Variants in EPB41L5 observed in about 807,000 individuals in gnomAD.
EPB41L5 encodes the protein band 4.1-like protein 5.
EPB41L5 carries 55 observed loss-of-function variants against 106.6 expected under a neutral mutation model. The observed-to-expected ratio is 0.52, with a 90% CI of 0.42 to 0.65. EPB41L5 has a LOEUF of 0.65. Among genes scored for constraint, EPB41L5 ranks in the 30% least tolerant of loss-of-function variants. The pLI, the probability that EPB41L5 is intolerant of heterozygous loss-of-function variation, is 0.00. For missense variants in EPB41L5, 871 were observed against 882.1 expected, an observed-to-expected ratio of 0.99 and a Z score of 0.16; for synonymous variants, 297 against 306.7, an observed-to-expected ratio of 0.97 and a Z score of 0.33.
intron 16 of EPB41L5, among the ~76,000 whole-genome samples, chr2:120,112,395 C>A (rs776497200): frequency 7.2e-5 from 11 of 152,090 alleles, no homozygotes; most frequent in Non-Finnish European, 1.3e-4. Flanking sequence ...TTGATTGAAT[C>A]AATGAATACC....
chr2:120,130,467 A>G (rs1487547143), intron 17 of EPB41L5, among the ~76,000 whole-genome samples: 1 of 152,248 alleles, frequency 6.6e-6, no homozygotes, highest in Non-Finnish European at 1.5e-5. Flanking sequence ...CTTGTGCTGC[A>G]TGGCAGGATG....
intron 22 of EPB41L5, among the ~76,000 whole-genome samples, chr2:120,166,033 G>A (rs576384889): frequency 5.4e-5 from 8 of 148,344 alleles, no homozygotes; most frequent in East Asian, 2.0e-4. Flanking sequence ...GTGATATGAC[G>A]AGAATTGCTG....
At chr2:120,093,326 G>A in intron 14 of EPB41L5, 50 bp downstream of exon 14, 1 of 1,466,616 alleles carries the variant, frequency 6.8e-7, no homozygotes, top group Non-Finnish European at 9.6e-7. Context: ...TGGGATTTAT[G>A]TAGTTGCTAT....
chr2:120,115,960 C>G (rs1004644105), intron 16 of EPB41L5, among the ~76,000 whole-genome samples: 1 of 151,948 alleles, frequency 6.6e-6, no homozygotes, highest in Non-Finnish European at 1.5e-5. Flanking sequence ...TAGGAATGCA[C>G]CACCACACTC....
intron 22 of EPB41L5, among the ~76,000 whole-genome samples, chr2:120,167,092 C>G (rs1192968442): frequency 6.6e-6 from 1 of 152,096 alleles, no homozygotes; most frequent in African/African-American, 2.4e-5. Context: ...AGGCTGCTAC[C>G]AAGAAGGCTA....
At chr2:120,137,216 G>A (rs1322072339) in intron 18 of EPB41L5, among the ~76,000 whole-genome samples, 1 of 151,972 alleles carries the variant, frequency 6.6e-6, no homozygotes, top group Non-Finnish European at 1.5e-5. Context: ...TACAGCGAAA[G>A]CAGTACTGAG....
At position 120,131,632 on chromosome 2, in the gene EPB41L5, TCAGAGAAGCTCAAA is replaced by T; in HGVS notation, c.1520_1533del (p.Glu507AlafsTer2). 1.2e-6 allele frequency: 2 copies of T among 1,613,102 alleles called. No homozygotes were observed. Among genetic ancestry groups the T allele is most frequent in the Non-Finnish European group, 1.7e-6 (2 of 1,179,352 alleles). ...TTTCTTTTCAGCATTAAAAGACACC[TCAGAGAAGCTCAAA>T]CAGCTTGAGATGGAGAACAGTCCTT... On this transcript the variant is annotated frameshift_variant, in exon 18 of 25. Transcript: ENST00000263713. LOFTEE classifies it high-confidence loss of function.
At chr2:120,071,948 G>A (rs1210576612) in intron 3 of EPB41L5, among the ~76,000 whole-genome samples, 1 of 152,192 alleles carries the variant, frequency 6.6e-6, no homozygotes, top group East Asian at 1.9e-4. Context: ...TTAAACTAAA[G>A]AGCTTCTGCA....
At chr2:120,081,504 T>C (rs1574618449) in intron 10 of EPB41L5, among the ~76,000 whole-genome samples, 2 of 152,350 alleles carry the variant, frequency 1.3e-5, no homozygotes, top group African/African-American at 4.8e-5. Flanking sequence ...CTGTTTTGGT[T>C]ACTGTAGCCT....
At position 120,077,305 on chromosome 2, in the gene EPB41L5, C is replaced by T; in HGVS notation, c.703C>T (p.His235Tyr). The change falls in exon 9 of 25, where the codon CAT (histidine) becomes TAT (tyrosine). Residue 235 changes from histidine (H) to tyrosine (Y), a missense_variant. Coordinates refer to ENST00000263713, the MANE Select transcript of EPB41L5 (RefSeq NM_020909.4). ...GCTAGAAATGTATGGGGTTGATATG[C>T]ATGTGGTCAAGGTAAGCATTGTGTT... ...KWLEMYGVDM[H>Y]VVKARDGNDY... 1.2e-6 allele frequency: 2 copies of T among 1,611,096 alleles called. No homozygotes were observed. Among genetic ancestry groups the T allele is most frequent in the African/African-American group, 1.3e-5 (1 of 74,964 alleles).
chr2:120,061,228 ATT>A (rs558199115), intron 3 of EPB41L5, among the ~76,000 whole-genome samples: 10 of 111,754 alleles, frequency 8.9e-5, no homozygotes, highest in Non-Finnish European at 1.7e-4. Context: ...TTTTTTTTTT[ATT>A]TTTTTTTTTT....
chr2:120,155,346 A>G (rs1470370928), intron 20 of EPB41L5, among the ~76,000 whole-genome samples: 1 of 152,164 alleles, frequency 6.6e-6, no homozygotes, highest in Non-Finnish European at 1.5e-5. Context: ...TCTGGTCTGC[A>G]TGGTTTCTAA....
chr2:120,100,851 T>C (rs1403341489), intron 16 of EPB41L5, 37 bp downstream of exon 16: 7 of 1,330,158 alleles, frequency 5.3e-6, no homozygotes, highest in Admixed American at 2.1e-5. Flanking sequence ...AAATATTGCC[T>C]AGTTAATTGT....
intron 1 of EPB41L5, among the ~76,000 whole-genome samples, chr2:120,014,250 C>T (rs777998963): frequency 1.3e-5 from 2 of 152,078 alleles, no homozygotes; most frequent in Non-Finnish European, 2.9e-5. Context: ...TTTTTTTAAC[C>T]AACTTCTGAT....
At chr2:120,047,201 GT>G (rs1310823005) in intron 3 of EPB41L5, among the ~76,000 whole-genome samples, 1 of 152,206 alleles carries the variant, frequency 6.6e-6, no homozygotes, top group Non-Finnish European at 1.5e-5. Context: ...TGTGAAGAAA[GT>G]CATTGTTAGC....
At chr2:120,146,073 A>G (rs1574753105) in intron 19 of EPB41L5, 152 bp from the exon 20 acceptor site, 1 of 573,000 alleles carries the variant, frequency 1.7e-6, no homozygotes. Flanking sequence ...TACTAGGTAC[A>G]CTGCTGGTAT....
intron 2 of EPB41L5, among the ~76,000 whole-genome samples, chr2:120,041,225 T>C (rs1483745091): frequency 6.6e-6 from 1 of 152,156 alleles, no homozygotes; most frequent in African/African-American, 2.4e-5. Flanking sequence ...CAAATCTGTT[T>C]AATGTCTGGT....
At chr2:120,173,600 CTCTGTT>C in intron 24 of EPB41L5, among the ~76,000 whole-genome samples, 1 of 152,114 alleles carries the variant, frequency 6.6e-6, no homozygotes, top group South Asian at 2.1e-4. Context: ...GTACAGGTGA[CTCTGTT>C]TCATTTATAA....
chr2:120,149,514 C>G (rs1176122064), intron 20 of EPB41L5, among the ~76,000 whole-genome samples: 1 of 152,168 alleles, frequency 6.6e-6, no homozygotes, highest in East Asian at 1.9e-4. Context: ...GCTTCTTTCA[C>G]TTAGCATAAT....
Sources: allele counts gnomAD v4.1 joint callset (sites outside exome capture counted in the v4.1 genomes callset), GRCh38; gene constraint gnomAD v4.1.1; transcripts MANE v1.5; gene names NCBI Gene and HGNC (gene_info 2026-07-23, HGNC 2026-07-21).